Variants in FSTL5 observed in about 807,000 individuals in gnomAD.
The protein encoded by FSTL5 is follistatin-related protein 5.
FSTL5 carries 62 observed loss-of-function variants against 89.1 expected under a neutral mutation model. That is an observed-to-expected ratio of 0.70 (90% CI 0.57 to 0.86). The LOEUF is 0.86. Among genes scored for constraint, FSTL5 ranks in the 40% least tolerant of loss-of-function variants. FSTL5 has a pLI of 0.00. For missense variants in FSTL5, 1,057 were observed against 1,001.6 expected (o/e 1.06, Z -0.75); for synonymous variants, 383 against 346.2 (o/e 1.11, Z -1.18).
rs142526270 is a variant in FSTL5 at position 161,523,404 on chromosome 4, A to G, written c.1313-12980T>C. 1.8e-3 allele frequency among the ~76,000 whole-genome samples: 277 copies of G among 152,326 alleles called. 1 individual carries two copies. The highest frequency in any genetic ancestry group is 6.4e-3 in the African/African-American group (265 of 41,582). ...GACAGCAGATTACCTTCTATCTATT[A>G]TAATAAGTTCTTTCCAGTGCCAGTT... is the stretch of plus-strand genomic sequence containing the variant. On this transcript the variant is annotated intron_variant, in intron 10 of 15. Coordinates refer to ENST00000306100, the MANE Select transcript of FSTL5 (RefSeq NM_020116.5).
At chr4:161,900,512 AC>A (rs1238665435) in intron 4 of FSTL5, among the ~76,000 whole-genome samples, 1 of 151,422 alleles carries the variant, frequency 6.6e-6, no homozygotes, top group African/African-American at 2.4e-5. Context: ...GGTGGCAGGC[AC>A]CTGTAATCCC....
At chr4:162,069,312 T>C (rs1192722546) in intron 2 of FSTL5, among the ~76,000 whole-genome samples, 1 of 152,050 alleles carries the variant, frequency 6.6e-6, no homozygotes, top group Non-Finnish European at 1.5e-5. Flanking sequence ...TAGTTTAATA[T>C]ATGTATACAA....
chr4:162,104,009 C>A (rs1184766574), intron 2 of FSTL5, among the ~76,000 whole-genome samples: 1 of 152,216 alleles, frequency 6.6e-6, no homozygotes, highest in Non-Finnish European at 1.5e-5. Context: ...TCTATTAAAT[C>A]TTGCAACTGC....
intron 6 of FSTL5, among the ~76,000 whole-genome samples, chr4:161,702,970 A>G (rs891865738): frequency 6.6e-6 from 1 of 152,082 alleles, no homozygotes; most frequent in Non-Finnish European, 1.5e-5. Flanking sequence ...GAAATGAGAC[A>G]TTGGGGTGGG....
chr4:161,815,248 G>A (rs1730287180), intron 4 of FSTL5, among the ~76,000 whole-genome samples: 1 of 151,724 alleles, frequency 6.6e-6, no homozygotes, highest in South Asian at 2.1e-4. Flanking sequence ...TATAAACACT[G>A]GATACTATAA....
At chr4:161,665,525 G>A (rs888166854) in intron 6 of FSTL5, among the ~76,000 whole-genome samples, 2 of 152,058 alleles carry the variant, frequency 1.3e-5, no homozygotes, top group African/African-American at 2.4e-5. Context: ...GAGCCACCGC[G>A]CCCGGCCCAG....
intron 3 of FSTL5, among the ~76,000 whole-genome samples, chr4:161,964,872 T>A (rs1284752258): frequency 6.6e-6 from 1 of 152,018 alleles, no homozygotes; most frequent in Admixed American, 6.6e-5. Flanking sequence ...TATTTACTTT[T>A]TCCTGAGCTT....
intron 2 of FSTL5, among the ~76,000 whole-genome samples, chr4:162,078,069 T>G (rs1729940768): frequency 6.6e-6 from 1 of 151,884 alleles, no homozygotes; most frequent in Non-Finnish European, 1.5e-5. Context: ...ATTTAGCATC[T>G]GTACATAGAT....
intron 2 of FSTL5, among the ~76,000 whole-genome samples, chr4:162,064,121 A>T (rs12648543): frequency 0.98 from 149,716 of 152,054 alleles, 73,720 homozygotes; most frequent in East Asian, 1. Context: ...GTCTCCCCGA[A>T]TAAATTTCTT....
chr4:161,974,189 T>A (rs1449613163), intron 3 of FSTL5, among the ~76,000 whole-genome samples: 1 of 152,106 alleles, frequency 6.6e-6, no homozygotes, highest in East Asian at 1.9e-4. Flanking sequence ...CTGCCCAAGG[T>A]AATTTATAGA....
At chr4:161,736,992 G>C (rs1243473673) in intron 6 of FSTL5, among the ~76,000 whole-genome samples, 1 of 152,038 alleles carries the variant, frequency 6.6e-6, no homozygotes, top group East Asian at 1.9e-4. Context: ...GCCACATGTT[G>C]AGTGAGGATT....
intron 2 of FSTL5, among the ~76,000 whole-genome samples, chr4:162,051,287 A>C (rs2111257978): frequency 6.6e-6 from 1 of 151,678 alleles, no homozygotes; most frequent in South Asian, 2.1e-4. Flanking sequence ...TAAGAGATTT[A>C]ACACTGAATA....
intron 6 of FSTL5, among the ~76,000 whole-genome samples, chr4:161,716,185 T>G (rs1738974504): frequency 6.6e-6 from 1 of 152,130 alleles, no homozygotes; most frequent in Non-Finnish European, 1.5e-5. Flanking sequence ...GTTCTTCTCT[T>G]TATCTGATAA....
chr4:161,450,112 G>T (rs896834199), intron 15 of FSTL5, among the ~76,000 whole-genome samples: 1 of 152,072 alleles, frequency 6.6e-6, no homozygotes, highest in African/African-American at 2.4e-5. Flanking sequence ...AAGATTTTTT[G>T]AGGGAGGTTT....
chr4:161,485,320 A>T (rs908181084), intron 12 of FSTL5, among the ~76,000 whole-genome samples: 12 of 152,296 alleles, frequency 7.9e-5, no homozygotes, highest in Admixed American at 5.2e-4. Context: ...CAAGGCTCAG[A>T]CTTTAGTTTT....
chr4:161,901,423 G>A (rs1450318215), intron 4 of FSTL5, among the ~76,000 whole-genome samples: 1 of 152,142 alleles, frequency 6.6e-6, no homozygotes, highest in Admixed American at 6.5e-5. Flanking sequence ...CAGATACAGT[G>A]AGCAGAGAGG....
intron 4 of FSTL5, among the ~76,000 whole-genome samples, chr4:161,861,274 A>T (rs1034985938): frequency 3.9e-5 from 6 of 152,006 alleles, no homozygotes. Flanking sequence ...AATACAAAAA[A>T]TAGCAGGCCA....
At chr4:161,747,416 T>G (rs555575455) in intron 6 of FSTL5, among the ~76,000 whole-genome samples, 1 of 152,198 alleles carries the variant, frequency 6.6e-6, no homozygotes, top group Non-Finnish European at 1.5e-5. Context: ...CAATATGCCA[T>G]ATACTAAAAT....
chr4:161,873,598 A>G (rs1225971294), intron 4 of FSTL5, among the ~76,000 whole-genome samples: 1 of 130,388 alleles, frequency 7.7e-6, no homozygotes, highest in Non-Finnish European at 1.8e-5. Flanking sequence ...ATATTTAAAT[A>G]TATATATATA....
Sources: gnomAD v4.1 joint callset for allele counts (sites outside exome capture counted in the v4.1 genomes callset) on GRCh38, gnomAD v4.1.1 for gene constraint, MANE v1.5 for transcripts, NCBI Gene and HGNC (gene_info 2026-07-23, HGNC 2026-07-21) for gene names.